The following CTIF variants were observed in gnomAD, a reference collection of about 807,000 sequenced individuals.
CTIF encodes the protein cap binding complex dependent translation initiation factor.
In CTIF, 21 loss-of-function variants were observed where a neutral mutation model predicts 66.0. The ratio of observed to expected loss-of-function variants is 0.32; its 90% CI spans 0.23 to 0.46. CTIF has a LOEUF of 0.46. Ranked by LOEUF, CTIF falls within the 20% of genes least tolerant of loss-of-function variation. The probability of loss-of-function intolerance (pLI) is 1.00; values close to 1 mark genes in which losing one functional copy is unlikely to be tolerated. For synonymous variants in CTIF, 345 were observed against 326.4 expected (o/e 1.06, Z -0.62); for missense variants, 739 against 812.7 (o/e 0.91, Z 1.10).
chr18:48,597,666 G>A (rs1055906379), intron 1 of CTIF, among the ~76,000 whole-genome samples: 5 of 151,688 alleles, frequency 3.3e-5, no homozygotes, highest in Non-Finnish European at 7.4e-5. Context: ...CAGCAGCCAA[G>A]TAGATGCTGG....
intron 6 of CTIF, among the ~76,000 whole-genome samples, chr18:48,703,702 G>A (rs183941671): frequency 6.6e-6 from 1 of 152,290 alleles, no homozygotes; most frequent in East Asian, 1.9e-4. Context: ...CCATGGAATT[G>A]AGCTCTGCGG....
chr18:48,691,313 C>G (rs866162998), intron 6 of CTIF, among the ~76,000 whole-genome samples: 1 of 152,136 alleles, frequency 6.6e-6, no homozygotes, highest in Non-Finnish European at 1.5e-5. Flanking sequence ...CCTCTGGTGC[C>G]GAAGACAATT....
intron 2 of CTIF, among the ~76,000 whole-genome samples, chr18:48,631,400 A>G (rs1175575039): frequency 1.3e-5 from 2 of 152,230 alleles, no homozygotes; most frequent in Admixed American, 1.3e-4. Flanking sequence ...CCAGAGGGGA[A>G]GGTTGCAGTG....
chr18:48,563,935 C>T (rs1021237029), intron 1 of CTIF, among the ~76,000 whole-genome samples: 2 of 152,150 alleles, frequency 1.3e-5, no homozygotes, highest in Admixed American at 1.3e-4. Flanking sequence ...CAGCACCAGT[C>T]CCCTACCCCC....
intron 1 of CTIF, among the ~76,000 whole-genome samples, chr18:48,561,476 C>A (rs1410566025): frequency 6.6e-6 from 1 of 152,152 alleles, no homozygotes; most frequent in Non-Finnish European, 1.5e-5. Flanking sequence ...GCAACGGAGT[C>A]TTTCGCAGCA....
chr18:48,597,357 G>A (rs776627562), intron 1 of CTIF, among the ~76,000 whole-genome samples: 2 of 152,210 alleles, frequency 1.3e-5, no homozygotes, highest in Admixed American at 6.5e-5. Flanking sequence ...GACTTGAAGG[G>A]TAGTGATATG....
chr18:48,683,433 T>A (rs754546967), intron 6 of CTIF, among the ~76,000 whole-genome samples: 26 of 150,232 alleles, frequency 1.7e-4, no homozygotes, highest in Non-Finnish European at 3.6e-4. Context: ...GGACAGGCCA[T>A]CATTTCCTGC....
At chr18:48,611,923 TTGAG>T (rs2144302696) in intron 1 of CTIF, among the ~76,000 whole-genome samples, 1 of 152,274 alleles carries the variant, frequency 6.6e-6, no homozygotes, top group East Asian at 1.9e-4. Context: ...TGTTGGATGT[TTGAG>T]TGACAAAAGG....
chr18:48,771,086 G>A (rs935763872), intron 9 of CTIF, among the ~76,000 whole-genome samples: 2 of 152,154 alleles, frequency 1.3e-5, no homozygotes, highest in African/African-American at 4.8e-5. Context: ...GCCCAGGATT[G>A]ACAGGTGTAC....
intron 6 of CTIF, among the ~76,000 whole-genome samples, chr18:48,688,943 A>G (rs1207145921): frequency 1.3e-5 from 2 of 152,206 alleles, no homozygotes; most frequent in Non-Finnish European, 2.9e-5. Flanking sequence ...CCCCTCTCTC[A>G]TCCAAGTGAG....
chr18:48,580,123 G>C (rs2089622235), intron 1 of CTIF, among the ~76,000 whole-genome samples: 1 of 152,180 alleles, frequency 6.6e-6, no homozygotes, highest in South Asian at 2.1e-4. Flanking sequence ...TCAGAGTTCT[G>C]CTACAGGTTT....
chr18:48,636,717 G>GC, intron 3 of CTIF, 32 bp downstream of exon 3: 21 of 1,515,158 alleles, frequency 1.4e-5, no homozygotes, highest in South Asian at 1.1e-4. Context: ...CTGTCTGGGG[G>GC]TGTCCTATGT....
Position 48,622,373 on chromosome 18 carries a change from G to A in CTIF, c.180+2628G>A, listed in dbSNP as rs72925561. On this transcript the variant is annotated intron_variant, in intron 2 of 11. Transcript: ENST00000256413. ...AGGAGAGGGCTGGGTGTGAGCATGG[G>A]AGTGTGTGGGGGAGAGGGAGAGGCC... is the stretch of plus-strand genomic sequence containing the variant. Among the ~76,000 whole-genome samples, 1,005 of 152,240 alleles carry A rather than the reference G, an allele frequency of 6.6e-3. 5 individuals are homozygous for A. Among genetic ancestry groups the A allele is most frequent in the Non-Finnish European group, 9.8e-3 (668 of 68,014 alleles).
chr18:48,724,806 C>A (rs562844305), intron 7 of CTIF, among the ~76,000 whole-genome samples: 4 of 152,326 alleles, frequency 2.6e-5, no homozygotes, highest in East Asian at 1.9e-4. Flanking sequence ...TCCTGAGTCA[C>A]CTCAGCAGGT....
chr18:48,754,637 C>T (rs1232281472), intron 7 of CTIF, among the ~76,000 whole-genome samples: 2 of 152,234 alleles, frequency 1.3e-5, no homozygotes, highest in Non-Finnish European at 2.9e-5. Context: ...GTCTTTCCTA[C>T]CCAATTAGGA....
rs189261228 is a variant in CTIF at position 48,664,376 on chromosome 18, G to A, written c.327-71G>A. 75 of 1,347,464 alleles carry A rather than the reference G, an allele frequency of 5.6e-5. No homozygotes were observed. In the South Asian group the frequency reaches 6.1e-4, roughly 11 times the overall value. 83.5% of individuals were successfully genotyped at this position (1,347,464 alleles called of 1,614,324 possible). On this transcript the variant is annotated intron_variant, in intron 4 of 11. Coordinates refer to ENST00000256413, the MANE Select transcript of CTIF (RefSeq NM_014772.3). ...GATCTGCTCTGCCAGGTTCAGCCTG[G>A]CCCCCTGGTTCCGTCAGTAACTGGG...
intron 1 of CTIF, among the ~76,000 whole-genome samples, chr18:48,587,912 G>A (rs1817501629): frequency 6.6e-6 from 1 of 152,146 alleles, no homozygotes; most frequent in African/African-American, 2.4e-5. Context: ...ACAGCCAATC[G>A]CCTTTCTCCA....
Position 48,577,325 on chromosome 18 carries a change from G to A in CTIF, c.-29+38013G>A, listed in dbSNP as rs146280382. On this transcript the variant is annotated intron_variant, in intron 1 of 11. Coordinates refer to ENST00000256413, the MANE Select transcript of CTIF (RefSeq NM_014772.3). ...TTCACCCTAAGAGATTTAATCCAGA[G>A]ACGGTGTGTAGGATCCTGCTGCTGA... Among the ~76,000 whole-genome samples, 514 of 152,248 alleles carry A rather than the reference G, an allele frequency of 3.4e-3. 1 individual carries two copies. Among genetic ancestry groups the A allele is most frequent in the Middle Eastern group, 0.027 (8 of 294 alleles).
intron 1 of CTIF, among the ~76,000 whole-genome samples, chr18:48,551,410 C>G (rs2088877566): frequency 6.6e-6 from 1 of 152,090 alleles, no homozygotes; most frequent in African/African-American, 2.4e-5. Flanking sequence ...GCCCTGCTCA[C>G]ACCTTGGTTT....
Sources: allele counts gnomAD v4.1 joint callset (sites outside exome capture counted in the v4.1 genomes callset), GRCh38; gene constraint gnomAD v4.1.1; transcripts MANE v1.5; gene names NCBI Gene and HGNC (gene_info 2026-07-23, HGNC 2026-07-21).